LIMS4: variants seen among roughly 807,000 people sequenced by gnomAD.
LIMS4 encodes the protein LIM zinc finger domain containing 4, also known as LIM and senescent cell antigen-like-containing domain protein 4.
the LIMS4 span, among the ~76,000 whole-genome samples, chr2:110,401,071 CAGAG>C: frequency 8.8e-6 from 1 of 113,742 alleles, no homozygotes; most frequent in Non-Finnish European, 1.7e-5. Context: ...GGCAGTAAGG[CAGAG>C]AGAGAGGACA....
chr2:110,371,508 C>T, the LIMS4 span, among the ~76,000 whole-genome samples: 7 of 130,192 alleles, frequency 5.4e-5, no homozygotes, highest in African/African-American at 8.1e-5. Context: ...TTTACCTACA[C>T]GCTCCTTTTT....
the LIMS4 span, among the ~76,000 whole-genome samples, chr2:110,395,995 A>C: frequency 7.1e-6 from 1 of 141,590 alleles, no homozygotes; most frequent in African/African-American, 2.9e-5. Flanking sequence ...GTGCATGGAT[A>C]GCCTTACTTG....
At chr2:110,425,343 G>T in the LIMS4 span, among the ~76,000 whole-genome samples, 5 of 141,792 alleles carry the variant, frequency 3.5e-5, no homozygotes, top group Non-Finnish European at 7.4e-5. Context: ...TTGCACCACT[G>T]TAATCCAGCC....
At chr2:110,361,123 C>T in the LIMS4 span, 1 of 928,524 alleles carries the variant, frequency 1.1e-6, no homozygotes, top group Non-Finnish European at 1.7e-6. Flanking sequence ...CTGTTTCCTC[C>T]TCATTGATGG....
At chr2:110,361,923 G>A in the LIMS4 span, 1,446 of 1,450,786 alleles carry the variant, frequency 1.0e-3, 76 homozygotes, top group Admixed American at 0.022. Context: ...CCTTGAAGGC[G>A]AGACTTCAGA....
At chr2:110,382,962 G>A in the LIMS4 span, 2 of 126,760 alleles carry the variant, frequency 1.6e-5, no homozygotes. Flanking sequence ...CCCTTGCATG[G>A]TACACTTGAA....
At chr2:110,372,568 C>G in the LIMS4 span, among the ~76,000 whole-genome samples, 1 of 147,890 alleles carries the variant, frequency 6.8e-6, no homozygotes, top group African/African-American at 2.7e-5. Flanking sequence ...TGCAGTAGTG[C>G]GATCTCTGCT....
chr2:110,410,273 CG>C, the LIMS4 span, among the ~76,000 whole-genome samples: 1 of 115,664 alleles, frequency 8.6e-6, no homozygotes, highest in Non-Finnish European at 1.8e-5. Context: ...CACTTGAGGT[CG>C]GGAGTTTGAA....
the LIMS4 span, among the ~76,000 whole-genome samples, chr2:110,368,025 A>AAT: frequency 7.6e-5 from 11 of 145,566 alleles, no homozygotes; most frequent in Middle Eastern, 3.5e-3. Context: ...AGAACTACGT[A>AAT]ACATATATAA....
chr2:110,387,803 TC>T, the LIMS4 span: 1 of 154,134 alleles, frequency 6.5e-6, no homozygotes, highest in African/African-American at 2.4e-5. Flanking sequence ...CTCTAGCTCA[TC>T]GACTCTTATT....
chr2:110,382,142 T>C, the LIMS4 span, among the ~76,000 whole-genome samples: 1 of 94,060 alleles, frequency 1.1e-5, no homozygotes, highest in Non-Finnish European at 1.9e-5. Context: ...TATATATATA[T>C]ATATATATAC....
the LIMS4 span, among the ~76,000 whole-genome samples, chr2:110,418,682 G>T: frequency 4.6e-5 from 4 of 87,562 alleles, no homozygotes; most frequent in Non-Finnish European, 8.4e-5. Flanking sequence ...CTGAGGCAGG[G>T]TCTTACTCTG....
chr2:110,387,541 C>G, the LIMS4 span: 1 of 286,662 alleles, frequency 3.5e-6, no homozygotes, highest in African/African-American at 2.3e-5. Flanking sequence ...TTTTTTTATA[C>G]AGAGTCTTGC....
the LIMS4 span, among the ~76,000 whole-genome samples, chr2:110,372,509 AT>A: frequency 7.0e-6 from 1 of 143,090 alleles, no homozygotes; most frequent in African/African-American, 3.0e-5. Context: ...TATGTTTTTT[AT>A]TTTTTTTATT....
chr2:110,385,282 C>A, the LIMS4 span, among the ~76,000 whole-genome samples: 1 of 150,298 alleles, frequency 6.7e-6, no homozygotes, highest in Non-Finnish European at 1.5e-5. Flanking sequence ...GTCCTATGAC[C>A]AGCTTTTGCC....
At chr2:110,390,294 G>T in the LIMS4 span, among the ~76,000 whole-genome samples, 1 of 142,508 alleles carries the variant, frequency 7.0e-6, no homozygotes, top group East Asian at 2.1e-4. Context: ...CAAGGGCAAA[G>T]ACCCCAGTGT....
chr2:110,372,000 G>T, the LIMS4 span, among the ~76,000 whole-genome samples: 2 of 152,050 alleles, frequency 1.3e-5, no homozygotes, highest in African/African-American at 4.9e-5. Context: ...GGCCCAGCTT[G>T]CCAGGTGAGG....
chr2:110,395,547 G>A, the LIMS4 span, among the ~76,000 whole-genome samples: 1 of 4,148 alleles, frequency 2.4e-4, no homozygotes, highest in South Asian at 4.1e-3. Context: ...GCCCTGGGGT[G>A]GGGGTGAAGG....
chr2:110,396,306 G>T, the LIMS4 span, among the ~76,000 whole-genome samples: 1 of 17,230 alleles, frequency 5.8e-5, no homozygotes, highest in Admixed American at 5.4e-4. Context: ...CAAGGTTGTG[G>T]CCACTAGTCC....
Sources: allele counts gnomAD v4.1 joint callset (sites outside exome capture counted in the v4.1 genomes callset), GRCh38; gene constraint gnomAD v4.1.1; transcripts MANE v1.5; gene names NCBI Gene and HGNC (gene_info 2026-07-23, HGNC 2026-07-21).